FGF6: variants seen among roughly 807,000 people sequenced by gnomAD.
The protein encoded by FGF6 is FGF-6.
In FGF6, 14 loss-of-function variants were observed where a neutral mutation model predicts 18.4. The ratio of observed to expected loss-of-function variants is 0.76; its 90% CI spans 0.50 to 1.19. The LOEUF (loss-of-function observed/expected upper bound fraction) is 1.19. FGF6 is among the 50% of genes most tolerant of loss of function. The pLI, the probability that FGF6 is intolerant of heterozygous loss-of-function variation, is 0.00. For synonymous variants in FGF6, 125 were observed against 116.7 expected (o/e 1.07, Z -0.46); for missense variants, 266 against 271.6 (o/e 0.98, Z 0.15).
intron 2 of FGF6, among the ~76,000 whole-genome samples, chr12:4,440,540 C>CTTCTT (rs949088307): frequency 4.1e-4 from 63 of 152,342 alleles, no homozygotes; most frequent in Admixed American, 3.9e-3. Flanking sequence ...CCCCTGACTG[C>CTTCTT]TTCTTTTCCT....
intron 2 of FGF6, among the ~76,000 whole-genome samples, chr12:4,438,314 T>C (rs765163941): frequency 3.3e-5 from 5 of 152,170 alleles, no homozygotes; most frequent in Admixed American, 2.0e-4. Context: ...TTATAATCTC[T>C]ATAAAGAGCA....
Position 4,434,266 on chromosome 12 carries a change from G to A in FGF6, c.576C>T (p.Gly192=). 1.2e-6 allele frequency: 2 copies of A among 1,614,184 alleles called. No individual in the cohort carries two copies. Among genetic ancestry groups the A allele is most frequent in the Non-Finnish European group, 1.7e-6 (2 of 1,180,038 alleles). ...ALSKYGRVKR[G]SKVSPIMTVT... is the part of the protein sequence containing the mutation. ...CAGTCATGATCGGGGACACCTTGCT[G>A]CCCCGCTTTACCCGTCCGTATTTGC... Residue 192 remains glycine, a synonymous_variant, in exon 3 of 3, where the codon GGC becomes GGT. Coordinates refer to ENST00000228837, the MANE Select transcript of FGF6 (RefSeq NM_020996.3).
intron 2 of FGF6, among the ~76,000 whole-genome samples, chr12:4,439,765 C>G (rs1865668591): frequency 6.6e-6 from 1 of 151,778 alleles, no homozygotes; most frequent in Admixed American, 6.6e-5. Flanking sequence ...TCCCCAGAAT[C>G]CTGTACAAAA....
intron 2 of FGF6, among the ~76,000 whole-genome samples, chr12:4,434,708 AG>A (rs1193697275): frequency 1.3e-5 from 2 of 152,310 alleles, no homozygotes; most frequent in African/African-American, 4.8e-5. Context: ...TGACTTCCAG[AG>A]TAGTTTCTAC....
In FGF6 at chr12:4,444,300, G is replaced by C. The variant is rs1476375791; in HGVS notation, c.347-64C>G. On this transcript the variant is annotated intron_variant, in intron 1 of 2. Coordinates refer to ENST00000228837, the MANE Select transcript of FGF6 (RefSeq NM_020996.3). ...GCAAATCAGAGTGGGAACTTGAGCC[G>C]ACAAGGGCATCTCAGTCCATCCCCC... 9 of 1,079,168 alleles carry C rather than the reference G, an allele frequency of 8.3e-6. No individual in the cohort carries two copies. In the Admixed American group the frequency reaches 9.1e-5, roughly 11 times the overall value. The allele number at this position is 1,079,168 out of a possible 1,614,324, so 66.8% of individuals were successfully genotyped here. A position where few individuals can be genotyped will look rare whatever the true frequency, so the allele number is the denominator to read the frequency against.
intron 2 of FGF6, among the ~76,000 whole-genome samples, chr12:4,436,464 TAAAAA>T (rs35981180): frequency 7.1e-6 from 1 of 140,896 alleles, no homozygotes; most frequent in Admixed American, 7.1e-5. Context: ...TACAAAAGCT[TAAAAA>T]AAAAAAAAAG....
chr12:4,437,622 C>A (rs1354821959), intron 2 of FGF6, among the ~76,000 whole-genome samples: 1 of 152,112 alleles, frequency 6.6e-6, no homozygotes, highest in African/African-American at 2.4e-5. Context: ...GGTCAATGAA[C>A]AACATAGAGT....
intron 2 of FGF6, among the ~76,000 whole-genome samples, chr12:4,439,676 T>A (rs1865666901): frequency 6.6e-6 from 1 of 152,116 alleles, no homozygotes; most frequent in Non-Finnish European, 1.5e-5. Flanking sequence ...TTTTTCTGTT[T>A]CTATTTTTTT....
At chr12:4,443,843 G>T (rs1865721693) in intron 2 of FGF6, among the ~76,000 whole-genome samples, 1 of 152,188 alleles carries the variant, frequency 6.6e-6, no homozygotes, top group African/African-American at 2.4e-5. Context: ...ATGCCAGAAT[G>T]TGGGTTTCCC....
intron 2 of FGF6, among the ~76,000 whole-genome samples, chr12:4,435,617 C>T (rs1865618971): frequency 6.6e-6 from 1 of 152,120 alleles, no homozygotes; most frequent in South Asian, 2.1e-4. Flanking sequence ...GGACCTGGTT[C>T]CCAATGTGAC....
Position 4,437,821 on chromosome 12 carries a change from G to A in FGF6, c.451-3430C>T, listed in dbSNP as rs182739668. 3.3e-5 allele frequency among the ~76,000 whole-genome samples: 5 copies of A among 151,234 alleles called. No homozygotes were observed. The East Asian group carries it at 9.7e-4, about 29-fold the overall frequency. ...CCTTACATCAAAATAAATTCCAAAG[G>A]GAGTAAAGATTCAAATGTAAAAAAA... On this transcript the variant is annotated intron_variant, in intron 2 of 2. Coordinates refer to ENST00000228837, the MANE Select transcript of FGF6 (RefSeq NM_020996.3).
chr12:4,444,305 G>T, intron 1 of FGF6, 69 bp from the exon 2 acceptor site: 1 of 999,166 alleles, frequency 1.0e-6, no homozygotes, highest in Non-Finnish European at 1.6e-6. Context: ...GAGCCGACAA[G>T]GGCATCTCAG....
rs1321500673 is a variant in FGF6, at chr12:4,445,270, G to A, written c.301C>T (p.Leu101Phe). ...NVGIGFHLQV[L>F]PDGRISGTHE... Reference sequence around the variant, plus strand: ...GTCCCGCTGATCCGGCCGTCGGGGAGCACCTGGAGGTGAAAGCCGATGCCC... The same window carrying A: ...GTCCCGCTGATCCGGCCGTCGGGGAACACCTGGAGGTGAAAGCCGATGCCC... The change falls in exon 1 of 3, where the codon CTC becomes TTC. Residue 101 changes from leucine to phenylalanine, a missense_variant. Physicochemically the swap from Leu to Phe is conservative, Grantham distance 22 (BLOSUM62 0). Coordinates refer to ENST00000228837, the MANE Select transcript of FGF6 (RefSeq NM_020996.3). The surrounding 1 kb of genome is among the most constrained non-coding windows in gnomAD (Gnocchi z 5.5). 3.1e-6 allele frequency: 5 copies of A among 1,613,968 alleles called. No homozygotes were observed. Among genetic ancestry groups the A allele is most frequent in the Admixed American group, 1.7e-5 (1 of 60,022 alleles).
intron 2 of FGF6, among the ~76,000 whole-genome samples, chr12:4,442,259 G>A (rs1268200007): frequency 2.6e-5 from 4 of 152,098 alleles, no homozygotes; most frequent in African/African-American, 4.8e-5. Flanking sequence ...GGCATTAGGA[G>A]TCAGCCTCCT....
chr12:4,444,386 C>T, intron 1 of FGF6, 150 bp from the exon 2 acceptor site: 1 of 605,340 alleles, frequency 1.7e-6, no homozygotes, highest in Non-Finnish European at 2.9e-6. Flanking sequence ...TCTAGGAGAC[C>T]CTGGCTGCTG....
intron 2 of FGF6, among the ~76,000 whole-genome samples, chr12:4,439,670 T>TC (rs1392558722): frequency 1.3e-5 from 2 of 152,118 alleles, no homozygotes; most frequent in African/African-American, 2.4e-5. Context: ...TTTTTTTTTT[T>TC]CTGTTTCTAT....
intron 2 of FGF6, among the ~76,000 whole-genome samples, chr12:4,438,666 CAGGG>C (rs1865651479): frequency 7.5e-6 from 1 of 133,338 alleles, no homozygotes; most frequent in Non-Finnish European, 1.5e-5. Context: ...GAGGCTAAGG[CAGGG>C]GAATCTCTTG....
Position 4,444,150 on chromosome 12 carries a change from C to T in FGF6, c.433G>A (p.Gly145Arg), listed in dbSNP as rs1357543116. 6.2e-7 allele frequency: 1 copy of T among 1,612,558 alleles called. No homozygotes were observed. The highest frequency in any genetic ancestry group is 1.7e-5 in the Admixed American group (1 of 59,976). The change falls in exon 2 of 3, where the codon GGA (glycine) becomes AGA (arginine). Residue 145 changes from glycine (G) to arginine (R), a missense_variant. Physicochemically the swap from Gly to Arg is moderately radical, Grantham distance 125 (BLOSUM62 -2). Transcript: ENST00000228837. Reference protein sequence around the residue: ...SALFVAMNSKGRLYATPSFQE... With the variant: ...SALFVAMNSKRRLYATPSFQE... ...GAACTCACCGTTGCGTACAATCTTC[C>T]TTTACTGTTCATGGCAACGAAGAGG...
At chr12:4,435,685 G>A (rs755839314) in intron 2 of FGF6, among the ~76,000 whole-genome samples, 1 of 152,206 alleles carries the variant, frequency 6.6e-6, no homozygotes, top group Non-Finnish European at 1.5e-5. Context: ...TGCTAATTTT[G>A]TAGAGTGTGT....
Sources: allele counts gnomAD v4.1 joint callset (sites outside exome capture counted in the v4.1 genomes callset), GRCh38; gene constraint gnomAD v4.1.1; non-coding constraint Gnocchi (gnomAD v3.1); transcripts MANE v1.5; gene names NCBI Gene and HGNC (gene_info 2026-07-23, HGNC 2026-07-21).